C2orf49: variants seen among roughly 807,000 people sequenced by gnomAD.
C2orf49 encodes the protein tRNA splicing ligase complex subunit 2.
C2orf49 carries 11 observed loss-of-function variants against 20.6 expected under a neutral mutation model. That is an observed-to-expected ratio of 0.53 (90% CI 0.34 to 0.88). C2orf49 has a LOEUF of 0.88. C2orf49 is among the 40% of genes least tolerant of loss of function. The probability of loss-of-function intolerance (pLI) is 0.02; values close to 1 mark genes in which losing one functional copy is unlikely to be tolerated. For synonymous variants in C2orf49, 134 were observed against 108.5 expected, an observed-to-expected ratio of 1.24 and a Z score of -1.46; for missense variants, 289 against 274.2, an observed-to-expected ratio of 1.05 and a Z score of -0.38.
chr2:105,367,065 T>G, the C2orf49 span, among the ~76,000 whole-genome samples: 8 of 152,244 alleles, frequency 5.3e-5, no homozygotes, highest in African/African-American at 1.9e-4. Context: ...TGAGCCTCCA[T>G]GCCCGGCCAG....
chr2:105,371,525 C>G, the C2orf49 span, among the ~76,000 whole-genome samples: 5 of 150,758 alleles, frequency 3.3e-5, no homozygotes, highest in African/African-American at 1.2e-4. Context: ...CCTCCACAAT[C>G]TCATGAGCCA....
At chr2:105,338,547 C>G (rs1355939047) in intron 1 of C2orf49, among the ~76,000 whole-genome samples, 1 of 152,130 alleles carries the variant, frequency 6.6e-6, no homozygotes, top group African/African-American at 2.4e-5. Context: ...GCATTTTTAA[C>G]GAGCTTGTTG....
At chr2:105,352,704 A>G (rs1261583217), downstream of C2orf49, among the ~76,000 whole-genome samples, 1 of 151,938 alleles carries the variant, frequency 6.6e-6, no homozygotes, top group Non-Finnish European at 1.5e-5. Flanking sequence ...TCGGCCTCCC[A>G]AAGTGCTGGG....
chr2:105,355,658 C>T, the C2orf49 span, among the ~76,000 whole-genome samples: 1 of 152,066 alleles, frequency 6.6e-6, no homozygotes, highest in Non-Finnish European at 1.5e-5. Context: ...TACTCAAGTG[C>T]ACTCAAGTTC....
At chr2:105,373,817 A>G in the C2orf49 span, 1 of 1,386,750 alleles carries the variant, frequency 7.2e-7, no homozygotes, top group African/African-American at 1.4e-5. Context: ...GCGAATCTGC[A>G]GGGCAAACAA....
intron 2 of C2orf49, among the ~76,000 whole-genome samples, chr2:105,340,377 G>T (rs1483119294): frequency 6.6e-6 from 1 of 152,174 alleles, no homozygotes; most frequent in Non-Finnish European, 1.5e-5. Flanking sequence ...AGGTGTGTGG[G>T]GAGGGGAAGC....
At chr2:105,383,100 G>A in the C2orf49 span, among the ~76,000 whole-genome samples, 1 of 152,316 alleles carries the variant, frequency 6.6e-6, no homozygotes, top group Non-Finnish European at 1.5e-5. Context: ...TGGCCAGGCT[G>A]GTCTCCAGCT....
intron 1 of C2orf49, 93 bp downstream of exon 1, chr2:105,337,779 G>A: frequency 1.8e-6 from 2 of 1,136,778 alleles, no homozygotes; most frequent in Admixed American, 2.4e-5. Context: ...CGGCAACCAC[G>A]GACACTCCCG....
chr2:105,365,681 A>C, the C2orf49 span, among the ~76,000 whole-genome samples: 1 of 151,870 alleles, frequency 6.6e-6, no homozygotes, highest in Non-Finnish European at 1.5e-5. Context: ...CTACAAAAAA[A>C]AAAAAAAAAA....
Position 105,347,564 on chromosome 2 carries a change from C to T in C2orf49, c.*2193C>T, listed in dbSNP as rs1292610756. 2.0e-5 allele frequency: 3 copies of T among 152,164 alleles called. No homozygotes were observed. 9.4% of individuals were successfully genotyped at this position (152,164 alleles called of 1,614,324 possible). A position where few individuals can be genotyped will look rare whatever the true frequency, so the allele number is the denominator to read the frequency against. ...TTCAGAATCAATGCTCATGTAGCAG[C>T]ATATTATTGAGCTATTTTGAGTTTG... On this transcript the variant is annotated 3_prime_UTR_variant, in exon 4 of 4. Transcript: ENST00000258457.
At chr2:105,367,725 C>T in the C2orf49 span, 1 of 1,613,832 alleles carries the variant, frequency 6.2e-7, no homozygotes, top group Non-Finnish European at 8.5e-7. Context: ...CCCTTGTACT[C>T]CATCTTGCGG....
the C2orf49 span, among the ~76,000 whole-genome samples, chr2:105,380,210 C>T: frequency 8.5e-5 from 13 of 152,264 alleles, no homozygotes; most frequent in South Asian, 4.2e-4. Context: ...TTTAGCCACA[C>T]GATTCCCTAG....
chr2:105,370,902 G>T, the C2orf49 span, among the ~76,000 whole-genome samples: 5 of 152,128 alleles, frequency 3.3e-5, no homozygotes, highest in Non-Finnish European at 4.4e-5. Flanking sequence ...AGGGTCTGAC[G>T]CCTGTGTGTG....
At chr2:105,366,748 A>T in the C2orf49 span, among the ~76,000 whole-genome samples, 33 of 151,980 alleles carry the variant, frequency 2.2e-4, no homozygotes, top group African/African-American at 7.3e-4. Context: ...TTATTTATTT[A>T]TTTTTTTAAT....
At chr2:105,366,148 T>C in the C2orf49 span, among the ~76,000 whole-genome samples, 1 of 151,570 alleles carries the variant, frequency 6.6e-6, no homozygotes. Context: ...AGGCGGAGGT[T>C]GCAGTGAGCC....
At chr2:105,368,174 A>T in the C2orf49 span, among the ~76,000 whole-genome samples, 1 of 152,190 alleles carries the variant, frequency 6.6e-6, no homozygotes, top group Non-Finnish European at 1.5e-5. Context: ...TCACAGCAGG[A>T]TGGAAATGGC....
chr2:105,373,570 GTCT>G, the C2orf49 span: 1 of 1,614,224 alleles, frequency 6.2e-7, no homozygotes, highest in African/African-American at 1.3e-5. Context: ...TGGCATGATG[GTCT>G]TCTTGCATTC....
At chr2:105,340,497 T>C (rs2104446102) in intron 2 of C2orf49, among the ~76,000 whole-genome samples, 1 of 152,310 alleles carries the variant, frequency 6.6e-6, no homozygotes, top group South Asian at 2.1e-4. Context: ...GGTTGGAGCA[T>C]GCATGTATTT....
At chr2:105,359,354 T>A in the C2orf49 span, 1 of 152,348 alleles carries the variant, frequency 6.6e-6, no homozygotes. Flanking sequence ...ATGAAATTAT[T>A]CTTTTTAAGC....
Sources: gnomAD v4.1 joint callset for allele counts (sites outside exome capture counted in the v4.1 genomes callset) on GRCh38, gnomAD v4.1.1 for gene constraint, MANE v1.5 for transcripts, NCBI Gene and HGNC (gene_info 2026-07-23, HGNC 2026-07-21) for gene names.